SPHKAP: variants seen among roughly 807,000 people sequenced by gnomAD.
The protein encoded by SPHKAP is A-kinase anchor protein SPHKAP.
SPHKAP carries 67 observed loss-of-function variants against 137.5 expected under a neutral mutation model. The ratio of observed to expected loss-of-function variants is 0.49; its 90% CI spans 0.40 to 0.60. SPHKAP has a LOEUF of 0.60. Ranked by LOEUF, SPHKAP falls within the 20% of genes least tolerant of loss-of-function variation. The probability of loss-of-function intolerance (pLI) is 0.00; values close to 1 mark genes in which losing one functional copy is unlikely to be tolerated. For synonymous variants in SPHKAP, 813 were observed against 785.3 expected, an observed-to-expected ratio of 1.04 and a Z score of -0.59; for missense variants, 2,097 against 2,069.3, an observed-to-expected ratio of 1.01 and a Z score of -0.26.
intron 7 of SPHKAP, among the ~76,000 whole-genome samples, chr2:228,006,534 T>G (rs964577553): frequency 2.6e-5 from 4 of 152,238 alleles, no homozygotes; most frequent in African/African-American, 9.6e-5. Flanking sequence ...CCTTCTTCTC[T>G]CATCTCGTCA....
At chr2:228,175,167 A>T (rs1559215703) in intron 1 of SPHKAP, among the ~76,000 whole-genome samples, 1 of 150,142 alleles carries the variant, frequency 6.7e-6, no homozygotes, top group Admixed American at 6.6e-5. Context: ...TTATGGCTGA[A>T]TTTTTTTTCG....
chr2:228,080,089 C>G (rs1010760853), intron 3 of SPHKAP, among the ~76,000 whole-genome samples: 2 of 151,632 alleles, frequency 1.3e-5, no homozygotes, highest in Non-Finnish European at 2.9e-5. Context: ...TATATGAACC[C>G]AAGAGCATAG....
At position 228,055,142 on chromosome 2, in the gene SPHKAP, C is replaced by CAAAAAAAA. The variant is rs58091970; in HGVS notation, c.247-27607_247-27600dup. ...GGGCAAAAAGAGTGAAACTCCACTC[C>CAAAAAAAA]AAAAAAAAAAAAAAAAAGTGGTTTG... On this transcript the variant is annotated intron_variant, in intron 3 of 11. Coordinates refer to ENST00000392056, the MANE Select transcript of SPHKAP (RefSeq NM_001142644.2). Among the ~76,000 whole-genome samples, 38 of 61,294 alleles carry CAAAAAAAA rather than the reference C, an allele frequency of 6.2e-4. 4 individuals carry two copies. Among genetic ancestry groups the CAAAAAAAA allele is most frequent in the Middle Eastern group, 9.8e-3 (1 of 102 alleles). The allele number at this position is 61,294 out of a possible 152,430, so 40.2% of individuals were successfully genotyped here.
chr2:227,988,776 C>A (rs1428958982), intron 11 of SPHKAP, among the ~76,000 whole-genome samples: 1 of 152,138 alleles, frequency 6.6e-6, no homozygotes, highest in Non-Finnish European at 1.5e-5. Flanking sequence ...CAGTGTATGG[C>A]ATGGGGGTAG....
Position 228,165,394 on chromosome 2 carries a change from G to A in SPHKAP, c.32+16173C>T, listed in dbSNP as rs138464335. 1.6e-3 allele frequency among the ~76,000 whole-genome samples: 239 copies of A among 152,276 alleles called. 6 individuals are homozygous for A. The East Asian group carries it at 0.039, about 25-fold the overall frequency. ...AGAAGGGTATTGATATTTATCAAGG[G>A]CCTGCTTTCTTCCTGGAACACCGTT... is the stretch of plus-strand genomic sequence containing the variant. On this transcript the variant is annotated intron_variant, in intron 1 of 11. Coordinates refer to ENST00000392056, the MANE Select transcript of SPHKAP (RefSeq NM_001142644.2).
intron 7 of SPHKAP, among the ~76,000 whole-genome samples, chr2:228,013,697 C>T (rs1694468639): frequency 6.6e-6 from 1 of 152,174 alleles, no homozygotes; most frequent in Non-Finnish European, 1.5e-5. Context: ...TTATTAAAAC[C>T]TTAAAGATCC....
intron 3 of SPHKAP, among the ~76,000 whole-genome samples, chr2:228,074,861 C>T (rs1268533685): frequency 6.6e-6 from 1 of 152,072 alleles, no homozygotes; most frequent in East Asian, 1.9e-4. Context: ...CTCCTGTTTT[C>T]CCCAATCCTT....
At chr2:228,133,927 T>C (rs1174866755) in intron 1 of SPHKAP, among the ~76,000 whole-genome samples, 1 of 152,186 alleles carries the variant, frequency 6.6e-6, no homozygotes, top group African/African-American at 2.4e-5. Flanking sequence ...TAAAATTTTT[T>C]ATATATTACT....
intron 3 of SPHKAP, among the ~76,000 whole-genome samples, chr2:228,054,997 C>T (rs1696385893): frequency 1.3e-5 from 2 of 151,804 alleles, no homozygotes; most frequent in African/African-American, 4.8e-5. Flanking sequence ...AAAAAATTAG[C>T]CAGGCATGGT....
At position 228,021,880 on chromosome 2, in the gene SPHKAP, G is replaced by T; in HGVS notation, c.528C>A (p.Asn176Lys). The T allele has an allele frequency of 6.2e-7, 1 of 1,614,072 alleles. No homozygotes were observed. Among genetic ancestry groups the T allele is most frequent in the Admixed American group, 1.7e-5 (1 of 60,010 alleles). ...CCAGTTCCAGACCAATCAGAAATTT[G>T]TTGATTTCAAAGATGATGCAGTTGG... ...NSTNCIIFEI[N>K]KFLIGLELVQ... Residue 176 changes from asparagine to lysine, a missense_variant, in exon 6 of 12, where the codon AAC becomes AAA. Physicochemically the swap from Asn to Lys is moderately conservative, Grantham distance 94. Coordinates refer to ENST00000392056, the MANE Select transcript of SPHKAP (RefSeq NM_001142644.2).
chr2:228,023,018 TAA>T (rs1222935654), intron 5 of SPHKAP, among the ~76,000 whole-genome samples: 3 of 152,292 alleles, frequency 2.0e-5, no homozygotes, highest in African/African-American at 7.2e-5. Context: ...AAAACAGTGA[TAA>T]AGAGGCCCAA....
chr2:228,005,761 T>C (rs1694103855), intron 7 of SPHKAP, among the ~76,000 whole-genome samples: 2 of 152,222 alleles, frequency 1.3e-5, no homozygotes, highest in African/African-American at 4.8e-5. Flanking sequence ...ACACAATCTC[T>C]CAGCATTTGC....
At chr2:228,162,269 C>G (rs1375369363) in intron 1 of SPHKAP, among the ~76,000 whole-genome samples, 1 of 152,106 alleles carries the variant, frequency 6.6e-6, no homozygotes, top group Admixed American at 6.5e-5. Context: ...TGCTTCCTGC[C>G]TTTTTATATC....
intron 9 of SPHKAP, 114 bp downstream of exon 9, chr2:227,993,420 G>A: frequency 1.1e-6 from 1 of 920,326 alleles, no homozygotes; most frequent in Admixed American, 2.0e-5. Context: ...TGGAACCACA[G>A]CAGTACAGAC....
chr2:228,137,228 A>G lies in SPHKAP; in HGVS notation c.33-5143T>C, dbSNP rs1699461497. Among the ~76,000 whole-genome samples the G allele has an allele frequency of 2.0e-5, 3 of 152,200 alleles. No homozygotes were observed. The South Asian group carries it at 6.2e-4, about 32-fold the overall frequency. ...TTTCCAGTTTAGGCTGTAAGTTCTA[A>G]AAGGGCAGGGGATCACTTAGGACAC... On this transcript the variant is annotated intron_variant, in intron 1 of 11. Transcript: ENST00000392056.
chr2:228,107,495 A>G (rs954341342), intron 3 of SPHKAP, among the ~76,000 whole-genome samples: 5 of 152,156 alleles, frequency 3.3e-5, no homozygotes, highest in Admixed American at 3.3e-4. Flanking sequence ...GGGACTACAG[A>G]TTTAAAGTTA....
chr2:227,991,467 C>T (rs1280714979), intron 9 of SPHKAP, 141 bp from the exon 10 acceptor site: 1 of 1,511,012 alleles, frequency 6.6e-7, no homozygotes. Flanking sequence ...TAGAGTAATG[C>T]TGGGAAAACA....
At chr2:227,993,466 T>TCAAAA (rs1693496806) in intron 9 of SPHKAP, 68 bp downstream of exon 9, 1 of 1,417,154 alleles carries the variant, frequency 7.1e-7, no homozygotes, top group Non-Finnish European at 9.8e-7. Flanking sequence ...ACCTGAATGA[T>TCAAAA]CAAAATGGAT....
At chr2:228,167,946 G>A (rs1195069200) in intron 1 of SPHKAP, among the ~76,000 whole-genome samples, 1 of 152,022 alleles carries the variant, frequency 6.6e-6, no homozygotes, top group Non-Finnish European at 1.5e-5. Context: ...AAAAAGACAT[G>A]CTCATACATG....
Sources: gnomAD v4.1 joint callset for allele counts (sites outside exome capture counted in the v4.1 genomes callset) on GRCh38, gnomAD v4.1.1 for gene constraint, MANE v1.5 for transcripts, NCBI Gene and HGNC (gene_info 2026-07-23, HGNC 2026-07-21) for gene names.